The following ADAMTSL1 variants were observed in gnomAD, a reference collection of about 807,000 sequenced individuals.
ADAMTSL1 encodes ADAMTS-like protein 1.
In ADAMTSL1, 126 loss-of-function variants were observed where a neutral mutation model predicts 201.8. The observed-to-expected ratio is 0.62, with a 90% CI of 0.54 to 0.72. ADAMTSL1 has a LOEUF of 0.72. ADAMTSL1 is among the 30% of genes least tolerant of loss of function. The probability of loss-of-function intolerance (pLI) is 0.00; values close to 1 mark genes in which losing one functional copy is unlikely to be tolerated. For missense variants in ADAMTSL1, 2,679 were observed against 2,277.8 expected (o/e 1.18, Z -3.59); for synonymous variants, 1,121 against 903.4 (o/e 1.24, Z -4.32).
chr9:18,012,490 C>T (rs1820090665), intron 1 of ADAMTSL1, among the ~76,000 whole-genome samples: 1 of 152,014 alleles, frequency 6.6e-6, no homozygotes, highest in Admixed American at 6.6e-5. Context: ...AGGCTACTTG[C>T]CTCCACCCAT....
intron 2 of ADAMTSL1, among the ~76,000 whole-genome samples, chr9:18,304,962 T>C (rs1200646461): frequency 6.6e-6 from 1 of 152,174 alleles, no homozygotes; most frequent in Non-Finnish European, 1.5e-5. Context: ...CCCAGCGTGA[T>C]CTACACAGAA....
rs900205782 is a variant in ADAMTSL1, at chr9:18,008,983, A to T, written c.87+102061A>T. The stretch of plus-strand genomic sequence containing the variant: ...GATCCAAAGGAAGAGAGGACTGGAC[A>T]TGGGTGAGCAGCAAGAATGACTATC... On this transcript the variant is annotated intron_variant, in intron 1 of 29. Transcript: ENST00000680146. Among the ~76,000 whole-genome samples the T allele has an allele frequency of 5.9e-5, 9 of 152,008 alleles. 1 individual carries two copies. The highest frequency in any genetic ancestry group is 1.0e-4 in the Non-Finnish European group (7 of 67,952).
At chr9:18,508,091 A>C (rs902103251) in intron 2 of ADAMTSL1, among the ~76,000 whole-genome samples, 2 of 152,124 alleles carry the variant, frequency 1.3e-5, no homozygotes, top group African/African-American at 4.8e-5. Flanking sequence ...AGGCTGAGGC[A>C]GGAGAATCGC....
chr9:18,265,027 GA>G (rs1832067833), intron 2 of ADAMTSL1, among the ~76,000 whole-genome samples: 3 of 152,192 alleles, frequency 2.0e-5, no homozygotes, highest in African/African-American at 7.2e-5. Flanking sequence ...TGGCCTATGG[GA>G]AGGACTTGGT....
At chr9:18,059,836 G>A (rs1016681622) in intron 1 of ADAMTSL1, among the ~76,000 whole-genome samples, 1 of 151,716 alleles carries the variant, frequency 6.6e-6, no homozygotes, top group African/African-American at 2.4e-5. Flanking sequence ...TTTTTTTAAG[G>A]CTGTCTTATA....
chr9:18,522,534 G>A (rs981873631), intron 2 of ADAMTSL1, among the ~76,000 whole-genome samples: 3 of 151,878 alleles, frequency 2.0e-5, no homozygotes, highest in African/African-American at 7.3e-5. Flanking sequence ...TTGGTGTGCT[G>A]CACCCATTAA....
intron 16 of ADAMTSL1, among the ~76,000 whole-genome samples, chr9:18,769,991 C>T (rs1820596425): frequency 6.6e-6 from 1 of 152,124 alleles, no homozygotes; most frequent in African/African-American, 2.4e-5. Context: ...CTCTGAAAAC[C>T]ACTGACATGA....
At chr9:18,374,233 G>A (rs144526472) in intron 2 of ADAMTSL1, among the ~76,000 whole-genome samples, 8 of 152,284 alleles carry the variant, frequency 5.3e-5, no homozygotes, top group East Asian at 3.9e-4. Flanking sequence ...CCTTGGAGCC[G>A]TAAAGAAAGG....
chr9:18,850,897 C>G (rs1257682845), intron 23 of ADAMTSL1, among the ~76,000 whole-genome samples: 6 of 152,316 alleles, frequency 3.9e-5, no homozygotes, highest in South Asian at 2.1e-4. Flanking sequence ...TATCTGCCCA[C>G]CCAGCTCACA....
chr9:18,299,048 C>G (rs1833594518), intron 2 of ADAMTSL1, among the ~76,000 whole-genome samples: 1 of 149,332 alleles, frequency 6.7e-6, no homozygotes, highest in Admixed American at 6.6e-5. Context: ...ATAATAGCCG[C>G]CGTTTTTGCT....
chr9:18,172,231 C>T (rs1330966059), intron 2 of ADAMTSL1, among the ~76,000 whole-genome samples: 1 of 151,676 alleles, frequency 6.6e-6, no homozygotes, highest in Non-Finnish European at 1.5e-5. Flanking sequence ...ACCTAGGTAA[C>T]AAACCTGCAC....
In ADAMTSL1 at chr9:18,555,674, G is replaced by A. The variant is rs539443979; in HGVS notation, c.238-18356G>A. Among the ~76,000 whole-genome samples, 21 of 152,060 alleles carry A rather than the reference G, an allele frequency of 1.4e-4. 1 individual carries two copies. The South Asian group carries it at 4.4e-3, about 32-fold the overall frequency. On this transcript the variant is annotated intron_variant, in intron 3 of 28. Transcript: ENST00000380548. ...AGTTGCCTCACACAGGCTGAGAATA[G>A]GGAGTTGTCAGAGAAGGAGACCAGG...
chr9:18,906,622 C>G (rs757054881), intron 27 of ADAMTSL1, 70 bp from the exon 28 acceptor site: 435 of 1,294,980 alleles, frequency 3.4e-4, no homozygotes, highest in Admixed American at 6.5e-4. Context: ...GTTTGCAGCA[C>G]TATTTTCACA....
rs1377743196 is a variant in ADAMTSL1, at chr9:18,732,401, T to C, written c.2006+10736T>C. Among the ~76,000 whole-genome samples, 4 of 152,178 alleles carry C rather than the reference T, an allele frequency of 2.6e-5. 1 individual carries two copies. Among genetic ancestry groups the C allele is most frequent in the Non-Finnish European group, 5.9e-5 (4 of 68,034 alleles). On this transcript the variant is annotated intron_variant, in intron 15 of 28. Coordinates refer to ENST00000380548, the MANE Select transcript of ADAMTSL1 (RefSeq NM_001040272.6). ...AAGGAGTACTTGTTGGGACATTCCATTTAATGTTGACACCTAATCCAATAA... is the reference window on the plus strand; with the variant it reads ...AAGGAGTACTTGTTGGGACATTCCACTTAATGTTGACACCTAATCCAATAA...
At chr9:18,613,307 T>C (rs1456750083) in intron 4 of ADAMTSL1, among the ~76,000 whole-genome samples, 2 of 152,220 alleles carry the variant, frequency 1.3e-5, no homozygotes, top group Admixed American at 6.5e-5. Flanking sequence ...AACATGGCAC[T>C]TCCTCAAAGA....
At chr9:18,843,001 T>G (rs560434341) in intron 23 of ADAMTSL1, among the ~76,000 whole-genome samples, 466 of 152,262 alleles carry the variant, frequency 3.1e-3, no homozygotes, top group Non-Finnish European at 5.0e-3. Context: ...TTGCCAGTCT[T>G]TGTCTTTTAA....
At chr9:18,080,802 A>C (rs968944191) in intron 1 of ADAMTSL1, among the ~76,000 whole-genome samples, 1 of 152,222 alleles carries the variant, frequency 6.6e-6, no homozygotes, top group Admixed American at 6.5e-5. Context: ...ATTTCTACTT[A>C]ATAGTCATTC....
At chr9:18,397,450 AAT>A (rs1440254001) in intron 2 of ADAMTSL1, among the ~76,000 whole-genome samples, 1 of 152,200 alleles carries the variant, frequency 6.6e-6, no homozygotes, top group Non-Finnish European at 1.5e-5. Context: ...TGAAAAATCT[AAT>A]AATAGACTTG....
intron 2 of ADAMTSL1, among the ~76,000 whole-genome samples, chr9:18,291,070 C>T (rs546922833): frequency 3.9e-5 from 6 of 152,200 alleles, no homozygotes; most frequent in South Asian, 2.1e-4. Flanking sequence ...CGTGAGCCAC[C>T]GCACCCGGGC....
Sources: allele counts gnomAD v4.1 joint callset (sites outside exome capture counted in the v4.1 genomes callset), GRCh38; gene constraint gnomAD v4.1.1; transcripts MANE v1.5; gene names NCBI Gene and HGNC (gene_info 2026-07-23, HGNC 2026-07-21).